Variants in KLHL24 observed in about 807,000 individuals in gnomAD.
The protein encoded by KLHL24 is kelch-like protein 24.
Under a neutral mutation model 53.4 loss-of-function variants are expected in KLHL24, and 29 were observed. That is an observed-to-expected ratio of 0.54 (90% confidence interval 0.40 to 0.74). The LOEUF (loss-of-function observed/expected upper bound fraction) is 0.74. Among genes scored for constraint, KLHL24 ranks in the 30% least tolerant of loss-of-function variants. KLHL24 has a pLI of 0.00. For synonymous variants in KLHL24, 222 were observed against 253.7 expected (o/e 0.88, Z 1.19); for missense variants, 504 against 744.0 (o/e 0.68, Z 3.75).
intron 5 of KLHL24, among the ~76,000 whole-genome samples, chr3:183,666,132 C>T (rs190694226): frequency 1.3e-5 from 2 of 152,262 alleles, no homozygotes; most frequent in South Asian, 2.1e-4. Context: ...CCTCCCACCT[C>T]GGCCTCCCAG....
intron 3 of KLHL24, among the ~76,000 whole-genome samples, chr3:183,660,542 A>G (rs186628293): frequency 7.0e-4 from 106 of 152,056 alleles, no homozygotes; most frequent in African/African-American, 2.4e-3. Flanking sequence ...TTTGTTTTTA[A>G]TTTTCTACCA....
intron 4 of KLHL24, among the ~76,000 whole-genome samples, chr3:183,664,692 A>G (rs545840669): frequency 2.8e-4 from 42 of 152,294 alleles, no homozygotes; most frequent in African/African-American, 9.9e-4. Context: ...ATTATTTTGG[A>G]TCTATAATTA....
rs936241487 is a variant in KLHL24 at position 183,679,584 on chromosome 3, C to A, written c.*298C>A. The A allele has an allele frequency of 2.2e-5, 7 of 316,996 alleles. No individual in the cohort carries two copies. Among genetic ancestry groups the A allele is most frequent in the Middle Eastern group, 9.8e-4 (1 of 1,018 alleles). The allele number at this position is 316,996 out of a possible 1,614,324, so 19.6% of individuals were successfully genotyped here. A position where few individuals can be genotyped will look rare whatever the true frequency, so the allele number is the denominator to read the frequency against. ...GAATTAGGAAATGTCTGTCTGCATA[C>A]CTTTTAGGAGCGTGTGAATGGTGTC... is the stretch of plus-strand genomic sequence containing the variant. On this transcript the variant is annotated 3_prime_UTR_variant, in exon 8 of 8. Transcript: ENST00000242810.
At chr3:183,673,124 G>A (rs1721579263) in intron 7 of KLHL24, 1 of 152,120 alleles carries the variant, frequency 6.6e-6, no homozygotes, top group Admixed American at 6.5e-5. Flanking sequence ...AGAATCACTT[G>A]AATCTGGGAG....
intron 5 of KLHL24, among the ~76,000 whole-genome samples, chr3:183,669,385 T>A (rs926125146): frequency 2.0e-5 from 3 of 152,058 alleles, no homozygotes; most frequent in Non-Finnish European, 4.4e-5. Context: ...GGAAATAAAT[T>A]TGAGTCTCCA....
intron 2 of KLHL24, among the ~76,000 whole-genome samples, chr3:183,644,590 A>AT (rs1372095916): frequency 2.0e-5 from 3 of 152,174 alleles, no homozygotes; most frequent in Admixed American, 6.5e-5. Context: ...AGGATTTTCC[A>AT]TTTTTTATTG....
At chr3:183,648,012 A>C (rs1717562528) in intron 2 of KLHL24, among the ~76,000 whole-genome samples, 1 of 152,194 alleles carries the variant, frequency 6.6e-6, no homozygotes. Flanking sequence ...TGTCTCAAAA[A>C]AGCAAAAACA....
intron 5 of KLHL24, among the ~76,000 whole-genome samples, chr3:183,668,626 A>G (rs1720901049): frequency 6.6e-6 from 1 of 152,100 alleles, no homozygotes; most frequent in Non-Finnish European, 1.5e-5. Flanking sequence ...ATAAAAAATT[A>G]CCGGGTGCGG....
chr3:183,683,799 T>G lies in KLHL24; in HGVS notation c.*4513T>G, dbSNP rs574252119. ...AGTTCTCTAGTGCTATTTCAACTTT[T>G]TTTTCAATCTAAATGAAGCTTACCT... On this transcript the variant is annotated 3_prime_UTR_variant, in exon 8 of 8. Coordinates refer to ENST00000242810, the MANE Select transcript of KLHL24 (RefSeq NM_017644.3). 2 of 152,780 alleles carry G rather than the reference T, an allele frequency of 1.3e-5. No individual in the cohort carries two copies. The highest frequency in any genetic ancestry group is 4.8e-5 in the African/African-American group (2 of 41,588). 9.5% of individuals were successfully genotyped at this position (152,780 alleles called of 1,614,324 possible).
At chr3:183,661,121 C>G (rs1719725934) in intron 3 of KLHL24, among the ~76,000 whole-genome samples, 1 of 117,552 alleles carries the variant, frequency 8.5e-6, no homozygotes, top group Non-Finnish European at 1.7e-5. Context: ...CCTGTAGTCC[C>G]GACTACCTGG....
chr3:183,665,622 T>C (rs9858352), intron 5 of KLHL24, among the ~76,000 whole-genome samples: 50,448 of 151,210 alleles, frequency 0.33, 9,208 homozygotes, highest in African/African-American at 0.49. Context: ...TGGTGGCGGG[T>C]GCCTGTAGTC....
rs780546686 is a variant in KLHL24, at chr3:183,651,225, G to A, written c.869G>A (p.Arg290Gln). 14 of 1,614,080 alleles carry A rather than the reference G, an allele frequency of 8.7e-6. No individual in the cohort carries two copies. Among genetic ancestry groups the A allele is most frequent in the Admixed American group, 1.7e-5 (1 of 60,004 alleles). The change falls in exon 3 of 8, where the codon CGG becomes CAG. Residue 290 changes from arginine to glutamine, a missense_variant. Transcript: ENST00000242810. ...TATCAGTTGTTGCATGAAGCAAGAC[G>A]GTACCACATACTTGGGAATGAAATG... ...ECYQLLHEAR[R>Q]YHILGNEMMS...
chr3:183,669,340 G>A (rs911786264), intron 5 of KLHL24, among the ~76,000 whole-genome samples: 3 of 151,688 alleles, frequency 2.0e-5, no homozygotes, highest in Non-Finnish European at 4.4e-5. Context: ...CAACAAGAGC[G>A]AAACTCCGCC....
At chr3:183,665,638 C>T (rs9838239) in intron 5 of KLHL24, among the ~76,000 whole-genome samples, 60,835 of 151,390 alleles carry the variant, frequency 0.4, 15,392 homozygotes, top group African/African-American at 0.73. Context: ...TAGTCCCAGC[C>T]ACTCAGGAGG....
rs757520033 is a variant in KLHL24, at chr3:183,672,520, C to T, written c.1602+36C>T. 5.7e-5 allele frequency: 80 copies of T among 1,391,966 alleles called. No individual in the cohort carries two copies. In the East Asian group the frequency reaches 1.9e-3, roughly 33 times the overall value. 86.2% of individuals were successfully genotyped at this position (1,391,966 alleles called of 1,614,324 possible). ...AAAGCAGTACAAAAGAAAAATAAAT[C>T]TAAGAGGGACCAAGTACATAATCAT... On this transcript the variant is annotated intron_variant, in intron 7 of 7. Coordinates refer to ENST00000242810, the MANE Select transcript of KLHL24 (RefSeq NM_017644.3).
rs80196304 is a variant in KLHL24, at chr3:183,678,294, T to G, written c.1603-792T>G. ...TTTTGTTAACTTAGTTATAAATTTT[T>G]TCCTCATTCATTCATTCAATTTTTG... On this transcript the variant is annotated intron_variant, in intron 7 of 7. Coordinates refer to ENST00000242810, the MANE Select transcript of KLHL24 (RefSeq NM_017644.3). Among the ~76,000 whole-genome samples the G allele has an allele frequency of 3.6e-3, 550 of 152,324 alleles. 1 individual carries two copies. Among genetic ancestry groups the G allele is most frequent in the African/African-American group, 0.012 (504 of 41,570 alleles).
intron 7 of KLHL24, among the ~76,000 whole-genome samples, chr3:183,678,574 G>A (rs1452697843): frequency 6.6e-6 from 1 of 151,344 alleles, no homozygotes; most frequent in Non-Finnish European, 1.5e-5. Context: ...TGTTACATAG[G>A]TACACTGTGT....
At chr3:183,648,872 A>G (rs1028039603) in intron 2 of KLHL24, among the ~76,000 whole-genome samples, 5 of 152,068 alleles carry the variant, frequency 3.3e-5, no homozygotes, top group Admixed American at 3.3e-4. Context: ...TGTGGTGGGT[A>G]CGTGCCTGTA....
chr3:183,644,624 CCT>C (rs1468108785), intron 2 of KLHL24, among the ~76,000 whole-genome samples: 2 of 152,116 alleles, frequency 1.3e-5, no homozygotes, highest in Non-Finnish European at 2.9e-5. Context: ...GAGAGGAAGA[CCT>C]CTTTTGTCAG....
Sources: allele counts gnomAD v4.1 joint callset (sites outside exome capture counted in the v4.1 genomes callset), GRCh38; gene constraint gnomAD v4.1.1; transcripts MANE v1.5; gene names NCBI Gene and HGNC (gene_info 2026-07-23, HGNC 2026-07-21).